The following MBOAT2 variants were observed in gnomAD, a reference collection of about 807,000 sequenced individuals.
MBOAT2 encodes the protein membrane-bound glycerophospholipid O-acyltransferase 2.
Under a neutral mutation model 63.4 loss-of-function variants are expected in MBOAT2, and 28 were observed. The observed-to-expected ratio is 0.44, with a 90% CI of 0.33 to 0.61. The LOEUF is 0.61. Ranked by LOEUF, MBOAT2 falls within the 20% of genes least tolerant of loss-of-function variation. The probability of loss-of-function intolerance (pLI) is 0.03; values close to 1 mark genes in which losing one functional copy is unlikely to be tolerated. For missense variants in MBOAT2, 470 were observed against 605.8 expected (o/e 0.78, Z 2.35); for synonymous variants, 211 against 215.6 (o/e 0.98, Z 0.19).
intron 4 of MBOAT2, among the ~76,000 whole-genome samples, chr2:8,894,501 C>A (rs890976236): frequency 6.6e-6 from 1 of 152,120 alleles, no homozygotes; most frequent in Non-Finnish European, 1.5e-5. Context: ...GCGCCATGTG[C>A]GGGGAAGATA....
chr2:8,957,901 T>C (rs1669340462), intron 2 of MBOAT2, among the ~76,000 whole-genome samples: 1 of 152,192 alleles, frequency 6.6e-6, no homozygotes, highest in South Asian at 2.1e-4. Flanking sequence ...GGAAGTACAG[T>C]ATTTCTGTAT....
At chr2:8,968,470 G>A (rs1670173663) in intron 1 of MBOAT2, among the ~76,000 whole-genome samples, 1 of 152,160 alleles carries the variant, frequency 6.6e-6, no homozygotes, top group African/African-American at 2.4e-5. Context: ...AAATCAGAGT[G>A]TCTCTCCCCT....
At chr2:8,915,857 A>C (rs891124080) in intron 3 of MBOAT2, among the ~76,000 whole-genome samples, 3 of 152,202 alleles carry the variant, frequency 2.0e-5, no homozygotes, top group African/African-American at 7.2e-5. Flanking sequence ...GACCTTAGAA[A>C]GTGACTATCC....
intron 4 of MBOAT2, among the ~76,000 whole-genome samples, chr2:8,902,764 A>G (rs973570114): frequency 1.3e-5 from 2 of 152,230 alleles, no homozygotes; most frequent in Non-Finnish European, 2.9e-5. Flanking sequence ...GAGTGTTAAC[A>G]GCTCATAAAG....
chr2:8,873,223 C>T lies in MBOAT2; in HGVS notation c.768G>A (p.Val256=). ...FHLTICTTLP[V]EYNIDEHFQA... is the part of the protein sequence containing the mutation. ...GAAAATGCTCATCAATGTTGTACTC[C>T]ACAGGTAATGTTGTACAGATGGTCA... is the stretch of plus-strand genomic sequence containing the variant. The change falls in exon 8 of 13, where the codon GTG becomes GTA. Residue 256 remains valine, a synonymous_variant. Transcript: ENST00000305997. The T allele has an allele frequency of 6.2e-7, 1 of 1,614,182 alleles. No individual in the cohort carries two copies. Among genetic ancestry groups the T allele is most frequent in the Non-Finnish European group, 8.5e-7 (1 of 1,180,026 alleles).
At position 8,877,055 on chromosome 2, in the gene MBOAT2, T is replaced by C. The variant is rs146137070; in HGVS notation, c.665A>G (p.Tyr222Cys). The change falls in exon 7 of 13, where the codon TAT becomes TGT. Residue 222 changes from tyrosine to cysteine, a missense_variant. This residue lies in a region of MBOAT2 where 376 missense variants were observed against 503.8 expected (regional missense o/e 0.75). Transcript: ENST00000305997. ...ATTTGGAGATGGCTCTGTTCTTTCA[T>C]ACTGTGTCTCTTCTTTTCCATTTTC... ...SGENGKEETQ[Y>C]ERTEPSPNTA... 1.9e-5 allele frequency: 30 copies of C among 1,613,148 alleles called. No homozygotes were observed. The African/African-American group carries it at 3.5e-4, about 19-fold the overall frequency.
chr2:8,932,751 A>G (rs1280685790), intron 3 of MBOAT2, among the ~76,000 whole-genome samples: 1 of 151,704 alleles, frequency 6.6e-6, no homozygotes, highest in East Asian at 1.9e-4. Context: ...TACAGTATTT[A>G]GGAGAAAAAA....
At chr2:8,870,742 T>G (rs1662252954) in intron 8 of MBOAT2, among the ~76,000 whole-genome samples, 1 of 152,226 alleles carries the variant, frequency 6.6e-6, no homozygotes, top group East Asian at 1.9e-4. Context: ...GGAATAACTT[T>G]ATTGCCTTAC....
intron 4 of MBOAT2, among the ~76,000 whole-genome samples, chr2:8,891,197 C>T (rs1230978530): frequency 1.3e-5 from 2 of 152,202 alleles, no homozygotes; most frequent in Non-Finnish European, 2.9e-5. Flanking sequence ...AACCCATCAG[C>T]CGGTGCGTAG....
intron 1 of MBOAT2, among the ~76,000 whole-genome samples, chr2:8,982,543 G>T (rs1349935995): frequency 6.6e-6 from 1 of 152,156 alleles, no homozygotes; most frequent in African/African-American, 2.4e-5. Flanking sequence ...CTAGACAACT[G>T]TTTAGATTGC....
At chr2:8,935,803 C>T (rs940357716) in intron 3 of MBOAT2, among the ~76,000 whole-genome samples, 6 of 152,232 alleles carry the variant, frequency 3.9e-5, no homozygotes, top group African/African-American at 1.4e-4. Flanking sequence ...CCATATATAT[C>T]TGACTCCAAC....
chr2:8,852,933 C>G lies in MBOAT2; in HGVS notation c.*5746G>C, dbSNP rs920667094. ...TTTATGAATCTGTTGAAAAATAACA[C>G]TTCTTTAAAAAAATATTTTGGAATA... On this transcript the variant is annotated 3_prime_UTR_variant, in exon 13 of 13. Transcript: ENST00000305997. The G allele has an allele frequency of 6.6e-6, 1 of 152,146 alleles. No individual in the cohort carries two copies. Among genetic ancestry groups the G allele is most frequent in the Non-Finnish European group, 1.5e-5 (1 of 68,022 alleles). 9.4% of individuals were successfully genotyped at this position (152,146 alleles called of 1,614,324 possible).
chr2:8,981,592 G>A (rs2103337420), intron 1 of MBOAT2, among the ~76,000 whole-genome samples: 1 of 152,178 alleles, frequency 6.6e-6, no homozygotes, highest in East Asian at 1.9e-4. Context: ...GGTTTCAAAT[G>A]AGCTGCTTCT....
In MBOAT2 at chr2:8,860,673, A is replaced by C; in HGVS notation, c.1277T>G (p.Ile426Arg). 1 of 1,613,392 alleles carries C rather than the reference A, an allele frequency of 6.2e-7. No homozygotes were observed. Among genetic ancestry groups the C allele is most frequent in the Non-Finnish European group, 8.5e-7 (1 of 1,179,626 alleles). Residue 426 changes from isoleucine (I) to arginine (R), a missense_variant, in exon 12 of 13, where the codon ATA (isoleucine) becomes AGA (arginine). Physicochemically the swap from Ile to Arg is moderately conservative, Grantham distance 97. This residue lies in a region of MBOAT2 where 376 missense variants were observed against 503.8 expected (regional missense o/e 0.75). Transcript: ENST00000305997. Reference sequence around the variant, plus strand: ...CACAAATGGCACAACTGTGTAACTTATTGCTACTTGAGTTACTATCCATGT... The same window carrying C: ...CACAAATGGCACAACTGTGTAACTTCTTGCTACTTGAGTTACTATCCATGT... ...VITWIVTQVA[I>R]SYTVVPFVLL...
At chr2:8,965,522 C>A (rs1669917952) in intron 1 of MBOAT2, among the ~76,000 whole-genome samples, 1 of 152,152 alleles carries the variant, frequency 6.6e-6, no homozygotes, top group Admixed American at 6.5e-5. Flanking sequence ...GGTGCTTACA[C>A]TTTAATTAAC....
intron 1 of MBOAT2, among the ~76,000 whole-genome samples, chr2:8,976,959 C>T (rs926337868): frequency 9.9e-5 from 15 of 152,088 alleles, no homozygotes; most frequent in Non-Finnish European, 2.2e-4. Context: ...CTATATGATT[C>T]TATTTAGATG....
At chr2:8,986,746 G>A (rs888030645) in intron 1 of MBOAT2, among the ~76,000 whole-genome samples, 1 of 152,152 alleles carries the variant, frequency 6.6e-6, no homozygotes, top group Non-Finnish European at 1.5e-5. Flanking sequence ...AAGGTAGGTA[G>A]GGCCCTGGCC....
chr2:8,894,275 G>C (rs2148561121), intron 4 of MBOAT2, among the ~76,000 whole-genome samples: 1 of 152,312 alleles, frequency 6.6e-6, no homozygotes, highest in South Asian at 2.1e-4. Flanking sequence ...TGGTTCGGTA[G>C]GGTGGGGAAC....
At chr2:8,962,245 C>G (rs566503237) in intron 1 of MBOAT2, among the ~76,000 whole-genome samples, 15 of 152,240 alleles carry the variant, frequency 9.9e-5, no homozygotes, top group African/African-American at 3.4e-4. Context: ...CGTTACAAAT[C>G]AGGTAGTCTA....
Sources: allele counts gnomAD v4.1 joint callset (sites outside exome capture counted in the v4.1 genomes callset), GRCh38; gene constraint gnomAD v4.1.1; regional missense constraint gnomAD v4.1.1; transcripts MANE v1.5; gene names NCBI Gene and HGNC (gene_info 2026-07-23, HGNC 2026-07-21).